DCDC2: variants seen among roughly 807,000 people sequenced by gnomAD.
The protein encoded by DCDC2 is doublecortin domain-containing protein 2.
A neutral mutation model predicts 50.2 loss-of-function variants in DCDC2; 40 were observed. The ratio of observed to expected loss-of-function variants is 0.80; its 90% CI spans 0.62 to 1.04. The LOEUF (loss-of-function observed/expected upper bound fraction) is 1.04, where lower values mean the gene tolerates loss of function less well. DCDC2 is among the 50% of genes least tolerant of loss of function. The pLI, the probability that DCDC2 is intolerant of heterozygous loss-of-function variation, is 0.00. For synonymous variants in DCDC2, 234 were observed against 210.6 expected (o/e 1.11, Z -0.96); for missense variants, 570 against 581.9 (o/e 0.98, Z 0.21).
chr6:24,270,186 G>C (rs1441071596), intron 7 of DCDC2, among the ~76,000 whole-genome samples: 2 of 152,240 alleles, frequency 1.3e-5, no homozygotes, highest in East Asian at 3.9e-4. Flanking sequence ...TTAACCAGCA[G>C]CTATGTGTCA....
chr6:24,301,671 A>C (rs1265361651), intron 4 of DCDC2, 44 bp downstream of exon 4: 1 of 1,605,696 alleles, frequency 6.2e-7, no homozygotes, highest in Non-Finnish European at 8.5e-7. Context: ...GAATATCTTC[A>C]ACAATTCAAA....
upstream of DCDC2, among the ~76,000 whole-genome samples, chr6:24,359,195 A>ATT (rs1760586507): frequency 1.3e-5 from 1 of 76,256 alleles, no homozygotes; most frequent in African/African-American, 5.5e-5. Flanking sequence ...TATTTTATAT[A>ATT]TTATATATAT....
intron 7 of DCDC2, among the ~76,000 whole-genome samples, chr6:24,274,749 A>T (rs191304790): frequency 4.6e-5 from 7 of 152,130 alleles, no homozygotes; most frequent in East Asian, 1.9e-4. Context: ...AGATATTTTT[A>T]AAAAATAACG....
intron 2 of DCDC2, among the ~76,000 whole-genome samples, chr6:24,341,927 C>A (rs779504810): frequency 3.9e-4 from 53 of 135,258 alleles, no homozygotes; most frequent in Non-Finnish European, 6.5e-4. Flanking sequence ...TGTAAGAGGG[C>A]GCACGCATGT....
At chr6:24,253,881 G>C (rs1185264960) in intron 7 of DCDC2, among the ~76,000 whole-genome samples, 1 of 151,988 alleles carries the variant, frequency 6.6e-6, no homozygotes, top group African/African-American at 2.4e-5. Flanking sequence ...AAAATCACTT[G>C]TTTCTTCAAT....
upstream of DCDC2, among the ~76,000 whole-genome samples, chr6:24,359,214 TTA>T (rs1561789239): frequency 3.3e-5 from 2 of 59,730 alleles, no homozygotes; most frequent in South Asian, 9.7e-4. Flanking sequence ...ATTTTATATA[TTA>T]TATATTTTAT....
At chr6:24,220,422 G>A (rs1762073646) in intron 7 of DCDC2, among the ~76,000 whole-genome samples, 1 of 152,090 alleles carries the variant, frequency 6.6e-6, no homozygotes, top group Non-Finnish European at 1.5e-5. Flanking sequence ...AGGTCAAGAA[G>A]CGGAGAAGAA....
At chr6:24,175,745 T>C (rs1760894582) in intron 9 of DCDC2, among the ~76,000 whole-genome samples, 1 of 152,228 alleles carries the variant, frequency 6.6e-6, no homozygotes, top group Admixed American at 6.5e-5. Context: ...TGTACAAGAA[T>C]TGTTACATGG....
intron 7 of DCDC2, among the ~76,000 whole-genome samples, chr6:24,271,112 G>C (rs1024301210): frequency 7.0e-6 from 1 of 142,750 alleles, no homozygotes; most frequent in African/African-American, 2.6e-5. Flanking sequence ...TCCCAGCTAC[G>C]TGGGAGGATC....
At chr6:24,213,498 T>A (rs1338514778) in intron 7 of DCDC2, among the ~76,000 whole-genome samples, 2 of 152,154 alleles carry the variant, frequency 1.3e-5, no homozygotes, top group African/African-American at 4.8e-5. Flanking sequence ...CAATACTCTT[T>A]ATGTGTCACC....
intron 7 of DCDC2, among the ~76,000 whole-genome samples, chr6:24,216,578 T>C (rs1165808665): frequency 6.6e-6 from 1 of 152,216 alleles, no homozygotes; most frequent in Admixed American, 6.5e-5. Context: ...AGAGAGACCA[T>C]AGTCTTGTCA....
intron 2 of DCDC2, among the ~76,000 whole-genome samples, chr6:24,349,782 C>T (rs188379153): frequency 1.8e-3 from 276 of 152,124 alleles, no homozygotes; most frequent in African/African-American, 6.3e-3. Context: ...TATAGCTATG[C>T]AAAATGACTC....
intron 8 of DCDC2, among the ~76,000 whole-genome samples, chr6:24,190,686 G>A (rs981822609): frequency 1.3e-5 from 2 of 151,982 alleles, no homozygotes; most frequent in Non-Finnish European, 2.9e-5. Context: ...CAAACGTGAC[G>A]CCACAAAAAG....
the DCDC2 span, among the ~76,000 whole-genome samples, chr6:24,381,913 AAAG>A: frequency 4.7e-5 from 7 of 148,884 alleles, no homozygotes; most frequent in South Asian, 2.2e-4. Flanking sequence ...AGGAGAAAGA[AAAG>A]AGAGAAAGAG....
intron 6 of DCDC2, among the ~76,000 whole-genome samples, chr6:24,278,558 A>G (rs922668164): frequency 6.6e-6 from 1 of 152,162 alleles, no homozygotes; most frequent in Non-Finnish European, 1.5e-5. Flanking sequence ...ACGTCACTGT[A>G]GAGATCAGCA....
chr6:24,239,227 G>A (rs533373083), intron 7 of DCDC2, among the ~76,000 whole-genome samples: 5 of 152,090 alleles, frequency 3.3e-5, no homozygotes, highest in Admixed American at 6.5e-5. Context: ...GACAAACTTC[G>A]GTATCAACCC....
intron 2 of DCDC2, among the ~76,000 whole-genome samples, chr6:24,346,725 G>T (rs1167240216): frequency 1.3e-5 from 2 of 150,336 alleles, no homozygotes; most frequent in Non-Finnish European, 2.9e-5. Context: ...TTGCACTCCA[G>T]CTTGGGTGAC....
chr6:24,180,203 C>A (rs976614740), intron 8 of DCDC2, among the ~76,000 whole-genome samples: 17 of 152,136 alleles, frequency 1.1e-4, no homozygotes, highest in Non-Finnish European at 2.5e-4. Context: ...ATGGAAATCC[C>A]TTCCCATTTG....
At chr6:24,371,713 G>A in the DCDC2 span, among the ~76,000 whole-genome samples, 2,152 of 152,188 alleles carry the variant, frequency 0.014, 42 homozygotes, top group African/African-American at 0.045. Context: ...GAAAATTTTC[G>A]CAACCTACTC....
Sources: allele counts gnomAD v4.1 joint callset (sites outside exome capture counted in the v4.1 genomes callset), GRCh38; gene constraint gnomAD v4.1.1; transcripts MANE v1.5; gene names NCBI Gene and HGNC (gene_info 2026-07-23, HGNC 2026-07-21).